SLC39A10: variants seen among roughly 807,000 people sequenced by gnomAD.
SLC39A10 encodes solute carrier family 39 member 10, also known as zinc transporter ZIP10.
In SLC39A10, 13 loss-of-function variants were observed where a neutral mutation model predicts 65.1. The observed-to-expected ratio is 0.20, with a 90% confidence interval of 0.13 to 0.32. SLC39A10 has a LOEUF of 0.32. Among genes scored for constraint, SLC39A10 ranks in the 10% least tolerant of loss-of-function variants. SLC39A10 has a pLI of 1.00. For missense variants in SLC39A10, 831 were observed against 1,018.4 expected (o/e 0.82, Z 2.50); for synonymous variants, 321 against 342.2 (o/e 0.94, Z 0.68).
At chr2:195,709,945 T>C (rs1440323056) in intron 5 of SLC39A10, among the ~76,000 whole-genome samples, 1 of 152,174 alleles carries the variant, frequency 6.6e-6, no homozygotes, top group Non-Finnish European at 1.5e-5. Flanking sequence ...AAAAAGTGTT[T>C]TCACACTTCT....
chr2:195,679,121 A>C (rs1310440411), intron 1 of SLC39A10, among the ~76,000 whole-genome samples: 2 of 152,206 alleles, frequency 1.3e-5, no homozygotes, highest in East Asian at 3.8e-4. Context: ...ATTTTAGTTC[A>C]TTTAAGTACC....
At chr2:195,633,487 G>C (rs1209398104) in intron 2 of SLC39A10, among the ~76,000 whole-genome samples, 1 of 152,208 alleles carries the variant, frequency 6.6e-6, no homozygotes, top group African/African-American at 2.4e-5. Flanking sequence ...TGGGCCCTCT[G>C]CCTTTTTGTG....
At chr2:195,705,672 T>G (rs1691373959) in intron 3 of SLC39A10, among the ~76,000 whole-genome samples, 1 of 152,212 alleles carries the variant, frequency 6.6e-6, no homozygotes, top group African/African-American at 2.4e-5. Flanking sequence ...TATTTTAGAT[T>G]AAAATCTTTA....
chr2:195,681,912 T>C (rs985055344), intron 2 of SLC39A10, among the ~76,000 whole-genome samples: 6 of 152,196 alleles, frequency 3.9e-5, no homozygotes, highest in Non-Finnish European at 7.4e-5. Flanking sequence ...TTTGCACATA[T>C]GGCTAGCTTG....
chr2:195,725,805 CGAAT>C (rs898698867), intron 8 of SLC39A10, among the ~76,000 whole-genome samples: 3 of 152,068 alleles, frequency 2.0e-5, no homozygotes, highest in Admixed American at 6.5e-5. Flanking sequence ...CACAGTAACA[CGAAT>C]GAGTCTTACA....
intron 3 of SLC39A10, among the ~76,000 whole-genome samples, chr2:195,702,721 T>C (rs1218239183): frequency 6.6e-6 from 1 of 152,232 alleles, no homozygotes; most frequent in Non-Finnish European, 1.5e-5. Context: ...TTGTTTAAAA[T>C]TTCCATGGAA....
chr2:195,684,912 T>C (rs926844267), intron 3 of SLC39A10, among the ~76,000 whole-genome samples: 1 of 152,196 alleles, frequency 6.6e-6, no homozygotes, highest in Non-Finnish European at 1.5e-5. Flanking sequence ...TTAAATCTTA[T>C]TTACTTAAAC....
At chr2:195,615,693 G>T (rs752807197) in intron 2 of SLC39A10, among the ~76,000 whole-genome samples, 3 of 152,144 alleles carry the variant, frequency 2.0e-5, no homozygotes, top group Non-Finnish European at 2.9e-5. Flanking sequence ...GGCCCCTAGA[G>T]ACATGTGATT....
chr2:195,624,353 C>T (rs1173569655), intron 2 of SLC39A10, among the ~76,000 whole-genome samples: 2 of 141,550 alleles, frequency 1.4e-5, no homozygotes, highest in African/African-American at 5.3e-5. Flanking sequence ...TGCCACTGCA[C>T]TCCAGCCTGG....
At chr2:195,679,805 G>T (rs1459316980) in intron 1 of SLC39A10, among the ~76,000 whole-genome samples, 1 of 152,110 alleles carries the variant, frequency 6.6e-6, no homozygotes, top group Non-Finnish European at 1.5e-5. Flanking sequence ...TTCAGTAACT[G>T]TACTAAACTA....
chr2:195,712,486 A>G (rs924517716), intron 5 of SLC39A10, among the ~76,000 whole-genome samples: 10 of 152,240 alleles, frequency 6.6e-5, no homozygotes, highest in African/African-American at 2.4e-4. Flanking sequence ...CGACTTAAAC[A>G]TCTGAAACAT....
chr2:195,673,590 T>C (rs1171990682), intron 1 of SLC39A10, among the ~76,000 whole-genome samples: 1 of 152,192 alleles, frequency 6.6e-6, no homozygotes, highest in Admixed American at 6.5e-5. Flanking sequence ...TATGTGTAAA[T>C]AGGCACTCTC....
intron 5 of SLC39A10, 147 bp downstream of exon 5, chr2:195,708,991 CT>C: frequency 3.3e-6 from 2 of 614,444 alleles, no homozygotes; most frequent in South Asian, 5.4e-5. Flanking sequence ...AAAAAGCTGA[CT>C]TTGGTTTTTT....
chr2:195,735,006 T>C lies in SLC39A10; in HGVS notation c.2461T>C (p.Tyr821His). The change falls in exon 10 of 10, where the codon TAT becomes CAT. Residue 821 changes from tyrosine to histidine, a missense_variant. By Grantham distance (83) the Tyr-to-His change is moderately conservative. Coordinates refer to ENST00000359634, the MANE Select transcript of SLC39A10 (RefSeq NM_020342.3). ...TGCCATTATGCTGGTGATTGCCCTCTATGAAGATAAAATTGTGTTTGACAT... is the reference window on the plus strand; with the variant it reads ...TGCCATTATGCTGGTGATTGCCCTCCATGAAGATAAAATTGTGTTTGACAT... Reference protein sequence around the residue: ...GFAIMLVIALYEDKIVFDIQF With the variant: ...GFAIMLVIALHEDKIVFDIQF 6.2e-7 allele frequency: 1 copy of C among 1,611,702 alleles called. No homozygotes were observed. The highest frequency in any genetic ancestry group is 8.5e-7 in the Non-Finnish European group (1 of 1,179,374).
intron 5 of SLC39A10, among the ~76,000 whole-genome samples, chr2:195,709,675 A>T (rs553520077): frequency 6.6e-6 from 1 of 152,294 alleles, no homozygotes; most frequent in East Asian, 1.9e-4. Context: ...CACACCCTAC[A>T]TGACTTTGAT....
chr2:195,729,445 G>A (rs1346712932), intron 9 of SLC39A10, among the ~76,000 whole-genome samples: 2 of 152,062 alleles, frequency 1.3e-5, no homozygotes. Context: ...TGATAACCTT[G>A]CTTCTGATTT....
chr2:195,679,587 C>T (rs560483589), intron 1 of SLC39A10, among the ~76,000 whole-genome samples: 3 of 152,186 alleles, frequency 2.0e-5, no homozygotes, highest in African/African-American at 4.8e-5. Flanking sequence ...TATAGCCATC[C>T]GTTTATTTAG....
At chr2:195,665,138 A>T (rs1351992356) in intron 1 of SLC39A10, among the ~76,000 whole-genome samples, 1 of 152,198 alleles carries the variant, frequency 6.6e-6, no homozygotes, top group East Asian at 1.9e-4. Context: ...TAGCCTGGCC[A>T]ACATGGCGTC....
In SLC39A10 at chr2:195,647,697, C is replaced by G. The variant is rs1574219153; in HGVS notation, c.-11-32335C>G. On this transcript the variant is annotated intron_variant, in intron 2 of 2. Coordinates refer to the SLC39A10 transcript ENST00000458054. ...TAATTATCTCTTTAATTACCATCCA[C>G]CACCACCACCACCACCACCACCACG... Among the ~76,000 whole-genome samples the G allele has an allele frequency of 5.9e-3, 7 of 1,192 alleles. No individual in the cohort carries two copies. The South Asian group carries it at 0.13, about 22-fold the overall frequency. The allele number at this position is 1,192 out of a possible 152,430, so 0.8% of individuals were successfully genotyped here.
Sources: allele counts gnomAD v4.1 joint callset (sites outside exome capture counted in the v4.1 genomes callset), GRCh38; gene constraint gnomAD v4.1.1; transcripts MANE v1.5; gene names NCBI Gene and HGNC (gene_info 2026-07-23, HGNC 2026-07-21).